Variants in THSD4 observed in about 807,000 individuals in gnomAD.
THSD4 encodes the protein thrombospondin type-1 domain-containing protein 4.
In THSD4, 69 loss-of-function variants were observed where a neutral mutation model predicts 119.0. The observed-to-expected ratio is 0.58, with a 90% confidence interval of 0.48 to 0.71. The LOEUF is 0.71. THSD4 is among the 30% of genes least tolerant of loss of function. The pLI, the probability that THSD4 is intolerant of heterozygous loss-of-function variation, is 0.00. For missense variants in THSD4, 1,393 were observed against 1,391.1 expected (o/e 1.00, Z -0.02); for synonymous variants, 524 against 540.4 (o/e 0.97, Z 0.42).
chr15:71,260,932 C>T (rs182467996), intron 6 of THSD4, among the ~76,000 whole-genome samples: 164 of 152,234 alleles, frequency 1.1e-3, no homozygotes, highest in Admixed American at 1.4e-3. Flanking sequence ...GAAACCCCAT[C>T]TCTACTGAAA....
chr15:71,345,210 G>T (rs377078422), intron 6 of THSD4, among the ~76,000 whole-genome samples: 1 of 137,160 alleles, frequency 7.3e-6, no homozygotes, highest in East Asian at 2.6e-4. Flanking sequence ...GGTTGGGGGG[G>T]TGGGTAGGGG....
At chr15:71,291,336 A>G (rs2044788958) in intron 6 of THSD4, among the ~76,000 whole-genome samples, 1 of 152,180 alleles carries the variant, frequency 6.6e-6, no homozygotes, top group South Asian at 2.1e-4. Context: ...TAGGTTCATT[A>G]TAAGGAACAG....
chr15:71,555,504 C>T (rs964843553), intron 7 of THSD4, among the ~76,000 whole-genome samples: 1 of 152,122 alleles, frequency 6.6e-6, no homozygotes, highest in Non-Finnish European at 1.5e-5. Flanking sequence ...TAGTTCTTTG[C>T]TTTTTCACTA....
intron 7 of THSD4, among the ~76,000 whole-genome samples, chr15:71,480,793 G>T (rs894766152): frequency 1.3e-5 from 2 of 152,190 alleles, no homozygotes; most frequent in African/African-American, 2.4e-5. Flanking sequence ...AAAGTCAGGG[G>T]GCAGGGAGTG....
At chr15:71,363,244 A>G (rs1205167698) in intron 6 of THSD4, among the ~76,000 whole-genome samples, 1 of 152,216 alleles carries the variant, frequency 6.6e-6, no homozygotes, top group Non-Finnish European at 1.5e-5. Context: ...GCAGCCATAG[A>G]TAGTACATAA....
At chr15:71,546,190 G>A (rs185841846) in intron 7 of THSD4, among the ~76,000 whole-genome samples, 69 of 152,216 alleles carry the variant, frequency 4.5e-4, no homozygotes, top group African/African-American at 1.6e-3. Context: ...CACATGAAGA[G>A]TTTGAAGTAC....
intron 6 of THSD4, among the ~76,000 whole-genome samples, chr15:71,409,114 G>A (rs765134578): frequency 2.6e-5 from 4 of 151,186 alleles, no homozygotes; most frequent in Non-Finnish European, 4.4e-5. Flanking sequence ...GTGGCCATTC[G>A]GAGATTCTGC....
At chr15:71,327,578 A>G (rs1182654845) in intron 6 of THSD4, among the ~76,000 whole-genome samples, 2 of 152,130 alleles carry the variant, frequency 1.3e-5, no homozygotes, top group African/African-American at 4.8e-5. Flanking sequence ...ATTCTGTTTT[A>G]TTTACTTTTT....
intron 7 of THSD4, among the ~76,000 whole-genome samples, chr15:71,633,321 G>A (rs2050673254): frequency 7.4e-6 from 1 of 135,962 alleles, no homozygotes; most frequent in East Asian, 2.1e-4. Context: ...TGTTGCCCAG[G>A]CTGAAGTGCA....
At chr15:71,303,378 G>A (rs553152968) in intron 6 of THSD4, among the ~76,000 whole-genome samples, 8 of 152,324 alleles carry the variant, frequency 5.3e-5, no homozygotes, top group African/African-American at 1.9e-4. Flanking sequence ...GGCAGACAGT[G>A]TTGTCTGCTT....
At chr15:71,472,021 C>A (rs1210358096) in intron 7 of THSD4, among the ~76,000 whole-genome samples, 1 of 152,124 alleles carries the variant, frequency 6.6e-6, no homozygotes, top group Non-Finnish European at 1.5e-5. Flanking sequence ...CTCAAACAAT[C>A]CCTCCACCTT....
At chr15:71,523,319 A>C (rs373026328) in intron 7 of THSD4, among the ~76,000 whole-genome samples, 1 of 152,074 alleles carries the variant, frequency 6.6e-6, no homozygotes, top group Non-Finnish European at 1.5e-5. Context: ...CACTGGCTGC[A>C]TCCCTCCAAT....
chr15:71,158,921 C>T lies in THSD4; in HGVS notation c.99+3989C>T, dbSNP rs73431421. ...TTGCCCAGCCCAGTGTGCTTTATGA[C>T]ACTGAATAAAACCTTATGTTTTGTT... On this transcript the variant is annotated intron_variant, in intron 3 of 17. Coordinates refer to ENST00000261862, the MANE Select transcript of THSD4 (RefSeq NM_024817.3). Among the ~76,000 whole-genome samples the T allele has an allele frequency of 9.4e-3, 1,426 of 152,272 alleles. 23 individuals are homozygous for T. Among genetic ancestry groups the T allele is most frequent in the African/African-American group, 0.032 (1,330 of 41,544 alleles).
intron 6 of THSD4, among the ~76,000 whole-genome samples, chr15:71,357,219 T>C (rs2140414614): frequency 6.6e-6 from 1 of 152,310 alleles, no homozygotes; most frequent in Admixed American, 6.5e-5. Context: ...TGTGATAGTC[T>C]TTAGATTTGG....
In THSD4 at chr15:71,141,366, A is replaced by G. The variant is rs1010876175; in HGVS notation, c.-79-83A>G. On this transcript the variant is annotated intron_variant, in intron 1 of 17. Transcript: ENST00000261862. ...TTGTTTTAGTATCTTCCATTTGCTCATTTCTGGTTTTGTTGACCGAGTTAC... is the reference window on the plus strand; with the variant it reads ...TTGTTTTAGTATCTTCCATTTGCTCGTTTCTGGTTTTGTTGACCGAGTTAC... The G allele has an allele frequency of 5.6e-6, 4 of 712,878 alleles. No homozygotes were observed. In the South Asian group the frequency reaches 6.7e-5, roughly 12 times the overall value. 44.2% of individuals were successfully genotyped at this position (712,878 alleles called of 1,614,324 possible).
chr15:71,664,597 A>T (rs1595843239), intron 8 of THSD4, among the ~76,000 whole-genome samples: 1 of 152,074 alleles, frequency 6.6e-6, no homozygotes, highest in Admixed American at 6.6e-5. Context: ...AGATTGTGTC[A>T]CCCAGGTACT....
chr15:71,260,770 C>A (rs1257241614), intron 6 of THSD4, among the ~76,000 whole-genome samples: 1 of 152,120 alleles, frequency 6.6e-6, no homozygotes, highest in African/African-American at 2.4e-5. Flanking sequence ...CTCACCTGGT[C>A]TTGAGGGCTG....
intron 7 of THSD4, among the ~76,000 whole-genome samples, chr15:71,543,264 G>C (rs2048787131): frequency 6.6e-6 from 1 of 152,124 alleles, no homozygotes; most frequent in Non-Finnish European, 1.5e-5. Context: ...AAAGAAAAAA[G>C]TTAGAAAAAA....
At chr15:71,120,529 G>C (rs2040400557) in intron 1 of THSD4, among the ~76,000 whole-genome samples, 1 of 152,256 alleles carries the variant, frequency 6.6e-6, no homozygotes, top group African/African-American at 2.4e-5. Context: ...TGTCCCAGGA[G>C]GGTGGCACTG....
Sources: gnomAD v4.1 joint callset for allele counts (sites outside exome capture counted in the v4.1 genomes callset) on GRCh38, gnomAD v4.1.1 for gene constraint, MANE v1.5 for transcripts, NCBI Gene and HGNC (gene_info 2026-07-23, HGNC 2026-07-21) for gene names.